RBFOX1: variants seen among roughly 807,000 people sequenced by gnomAD.
The protein encoded by RBFOX1 is RNA binding protein fox-1 homolog 1.
Under a neutral mutation model 57.7 loss-of-function variants are expected in RBFOX1, and 8 were observed. The ratio of observed to expected loss-of-function variants is 0.14; its 90% CI spans 0.08 to 0.25. The LOEUF (loss-of-function observed/expected upper bound fraction) is 0.25, where lower values mean the gene tolerates loss of function less well. Ranked by LOEUF, RBFOX1 falls within the 10% of genes least tolerant of loss-of-function variation. RBFOX1 has a pLI of 1.00. For missense variants in RBFOX1, 611 were observed against 548.5 expected (o/e 1.11, Z -1.14); for synonymous variants, 326 against 222.4 (o/e 1.47, Z -4.15).
At chr16:7,208,424 G>A (rs1034142398) in intron 4 of RBFOX1, among the ~76,000 whole-genome samples, 4 of 152,172 alleles carry the variant, frequency 2.6e-5, no homozygotes, top group East Asian at 1.9e-4. Context: ...ATCTGCTTCC[G>A]GTGAGGACTT....
intron 3 of RBFOX1, among the ~76,000 whole-genome samples, chr16:5,647,778 C>G (rs572737347): frequency 5.6e-4 from 86 of 152,318 alleles, no homozygotes; most frequent in African/African-American, 2.0e-3. Context: ...TTTCCCGGAA[C>G]AGATTCTGTG....
chr16:6,364,389 A>AT (rs1255793292), intron 2 of RBFOX1, among the ~76,000 whole-genome samples: 1 of 151,996 alleles, frequency 6.6e-6, no homozygotes, highest in East Asian at 1.9e-4. Context: ...TCCCTCCAAC[A>AT]TTAAAGACAT....
intron 3 of RBFOX1, among the ~76,000 whole-genome samples, chr16:7,002,222 T>C (rs1228813205): frequency 1.3e-5 from 2 of 152,190 alleles, no homozygotes; most frequent in Non-Finnish European, 2.9e-5. Context: ...CTTGATGCTG[T>C]CACTTGAGGC....
At chr16:6,779,030 C>G (rs1304205684) in intron 3 of RBFOX1, among the ~76,000 whole-genome samples, 2 of 151,970 alleles carry the variant, frequency 1.3e-5, no homozygotes, top group African/African-American at 4.8e-5. Context: ...AAAACTACTA[C>G]TCTAGTTATT....
At chr16:5,735,011 C>A (rs1235978715) in intron 3 of RBFOX1, among the ~76,000 whole-genome samples, 5 of 152,106 alleles carry the variant, frequency 3.3e-5, no homozygotes, top group African/African-American at 1.2e-4. Context: ...AAGACAACTC[C>A]AAGGAAGATA....
chr16:5,796,629 C>T lies in RBFOX1; in HGVS notation c.319-70674C>T, dbSNP rs557758976. On this transcript the variant is annotated intron_variant, in intron 3 of 19. Transcript: ENST00000641259. The stretch of plus-strand genomic sequence containing the variant: ...CCTTTCATGAGCACTAATTAGGCTC[C>T]ACTTACGGTGCTGACTGTTTACTTG... Among the ~76,000 whole-genome samples the T allele has an allele frequency of 3.3e-5, 5 of 152,276 alleles. No individual in the cohort carries two copies. The South Asian group carries it at 1.0e-3, about 32-fold the overall frequency.
chr16:5,522,761 TA>T (rs1345720404), intron 2 of RBFOX1, among the ~76,000 whole-genome samples: 1 of 152,184 alleles, frequency 6.6e-6, no homozygotes, highest in East Asian at 1.9e-4. Flanking sequence ...TGAGTTGCTG[TA>T]GCTTTGAAAT....
At chr16:5,745,068 T>C (rs1365856791) in intron 3 of RBFOX1, among the ~76,000 whole-genome samples, 1 of 152,228 alleles carries the variant, frequency 6.6e-6, no homozygotes, top group Admixed American at 6.5e-5. Context: ...ACATTAGGTA[T>C]ATCTCCCAGT....
chr16:5,730,443 G>A (rs1207597250), intron 3 of RBFOX1, among the ~76,000 whole-genome samples: 1 of 152,178 alleles, frequency 6.6e-6, no homozygotes, highest in African/African-American at 2.4e-5. Context: ...TGTGCCTCTG[G>A]CTGCGCACAC....
At chr16:6,872,312 G>A (rs909293420) in intron 3 of RBFOX1, among the ~76,000 whole-genome samples, 1 of 152,112 alleles carries the variant, frequency 6.6e-6, no homozygotes, top group African/African-American at 2.4e-5. Flanking sequence ...TCTGCAGTCT[G>A]TCTCCCTCTC....
intron 1 of RBFOX1, among the ~76,000 whole-genome samples, chr16:6,055,304 C>T (rs760180219): frequency 1.3e-5 from 2 of 151,960 alleles, no homozygotes; most frequent in Admixed American, 1.3e-4. Context: ...CAGAAGTGAA[C>T]AGGCATTGCT....
chr16:6,743,343 T>A (rs2072753008), intron 3 of RBFOX1, among the ~76,000 whole-genome samples: 1 of 152,206 alleles, frequency 6.6e-6, no homozygotes, highest in Non-Finnish European at 1.5e-5. Flanking sequence ...TAAATATTAA[T>A]GTTCTAAATA....
chr16:6,521,037 C>T (rs973310033), intron 2 of RBFOX1, among the ~76,000 whole-genome samples: 4 of 152,022 alleles, frequency 2.6e-5, no homozygotes, highest in African/African-American at 9.7e-5. Context: ...AACCTTTTTA[C>T]AATGTTTAGA....
intron 2 of RBFOX1, among the ~76,000 whole-genome samples, chr16:6,321,500 C>G (rs1411026277): frequency 6.6e-6 from 1 of 152,172 alleles, no homozygotes; most frequent in Non-Finnish European, 1.5e-5. Flanking sequence ...TGATCCAGAA[C>G]TAAAGGTTTA....
At chr16:6,302,651 G>A (rs151305041) in intron 1 of RBFOX1, among the ~76,000 whole-genome samples, 24 of 152,114 alleles carry the variant, frequency 1.6e-4, no homozygotes, top group Admixed American at 5.2e-4. Context: ...GGATGCATAC[G>A]AACCAGGTCA....
intron 3 of RBFOX1, among the ~76,000 whole-genome samples, chr16:6,673,528 C>T (rs936981631): frequency 6.6e-6 from 1 of 152,082 alleles, no homozygotes; most frequent in Non-Finnish European, 1.5e-5. Flanking sequence ...GTGGAGGTTG[C>T]AGTGAGTGGA....
intron 1 of RBFOX1, among the ~76,000 whole-genome samples, chr16:6,087,566 C>T (rs1363769651): frequency 6.6e-6 from 1 of 152,078 alleles, no homozygotes; most frequent in African/African-American, 2.4e-5. Context: ...AAATGTCCTT[C>T]CGAAGTGTAA....
At chr16:6,729,237 A>T (rs1367304117) in intron 3 of RBFOX1, among the ~76,000 whole-genome samples, 2 of 152,146 alleles carry the variant, frequency 1.3e-5, no homozygotes. Context: ...GGGTCACCAG[A>T]CCCCAGGGAT....
chr16:5,953,574 G>A (rs1404190779), intron 4 of RBFOX1, among the ~76,000 whole-genome samples: 1 of 151,956 alleles, frequency 6.6e-6, no homozygotes, highest in Non-Finnish European at 1.5e-5. Context: ...TCCCACTTAT[G>A]AGTGAGAACA....
Sources: allele counts gnomAD v4.1 joint callset (sites outside exome capture counted in the v4.1 genomes callset), GRCh38; gene constraint gnomAD v4.1.1; transcripts MANE v1.5; gene names NCBI Gene and HGNC (gene_info 2026-07-23, HGNC 2026-07-21).